The following PRSS53 variants were observed in gnomAD, a reference collection of about 807,000 sequenced individuals.
PRSS53 encodes the protein serine protease 53.
A neutral mutation model predicts 62.7 loss-of-function variants in PRSS53; 54 were observed. The ratio of observed to expected loss-of-function variants is 0.86; its 90% confidence interval spans 0.69 to 1.08. PRSS53 has a LOEUF of 1.08. Among genes scored for constraint, PRSS53 ranks in the 50% least tolerant of loss-of-function variants. The probability of loss-of-function intolerance (pLI) is 0.00; values close to 1 mark genes in which losing one functional copy is unlikely to be tolerated. For missense variants in PRSS53, 688 were observed against 728.3 expected, an observed-to-expected ratio of 0.94 and a Z score of 0.64; for synonymous variants, 273 against 300.0, an observed-to-expected ratio of 0.91 and a Z score of 0.93.
chr16:31,086,667 G>A, exon 4 of PRSS53: 1 of 1,544,416 alleles, frequency 6.5e-7, no homozygotes, highest in Non-Finnish European at 8.7e-7. Context: ...CAGTGGCCCA[G>A]CAGGAGGCTC....
rs774523884 is a variant in PRSS53 at position 31,085,987 on chromosome 16, A to G, written c.860T>C (p.Met287Thr). The G allele has an allele frequency of 3.7e-5, 59 of 1,613,648 alleles. 1 individual carries two copies. The highest frequency in any genetic ancestry group is 1.1e-4 in the South Asian group (10 of 91,070). Reference sequence around the variant, plus strand: ...ACCTACACAGCTGTCCTCATCACTCATCTCCGGGGTCTCTGGGCTCTGGGC... The same window carrying G: ...ACCTACACAGCTGTCCTCATCACTCGTCTCCGGGGTCTCTGGGCTCTGGGC... Residue 287 changes from methionine to threonine, a missense_variant, in exon 6 of 11, where the codon ATG becomes ACG. Met to Thr is a moderately conservative substitution (Grantham distance 81). Coordinates refer to ENST00000280606, the Ensembl canonical transcript of PRSS53.
At chr16:31,084,060 C>T (rs1334770252) in intron 10 of PRSS53, 59 bp downstream of exon 10, 29 of 1,533,452 alleles carry the variant, frequency 1.9e-5, no homozygotes, top group Non-Finnish European at 2.5e-5. Flanking sequence ...CACGTTCTCA[C>T]TGGAGAGAGA....
intron 1 of PRSS53, chr16:31,088,325 C>A (rs2057255684): frequency 1.8e-6 from 2 of 1,118,142 alleles, no homozygotes; most frequent in South Asian, 5.0e-5. Flanking sequence ...TGAGAGCCCG[C>A]CAGAGAGAGG....
At chr16:31,087,035 C>T (rs774644502) in intron 3 of PRSS53, 137 bp from the exon 4 acceptor site, 12 of 917,238 alleles carry the variant, frequency 1.3e-5, no homozygotes, top group African/African-American at 3.4e-5. Flanking sequence ...CTCGTCCTGT[C>T]GCCCAGGCTG....
At chr16:31,084,835 G>T (rs1293472142) in exon 8 of PRSS53, 2 of 1,549,008 alleles carry the variant, frequency 1.3e-6, no homozygotes, top group Admixed American at 3.9e-5. Flanking sequence ...CAGGCAGGTG[G>T]TGGTCAGGAT....
chr16:31,087,376 T>C, intron 3 of PRSS53, 161 bp downstream of exon 3: 1 of 626,154 alleles, frequency 1.6e-6, no homozygotes, highest in Non-Finnish European at 2.8e-6. Flanking sequence ...TGAAAGGTGG[T>C]TGTTACAATT....
intron 1 of PRSS53, chr16:31,088,476 G>C: frequency 7.5e-7 from 1 of 1,324,596 alleles, no homozygotes; most frequent in Middle Eastern, 2.8e-4. Flanking sequence ...GGAAGTCGAG[G>C]GGGAGGCAGG....
intron 1 of PRSS53, chr16:31,088,028 T>G: frequency 6.8e-7 from 1 of 1,463,688 alleles, no homozygotes; most frequent in Non-Finnish European, 9.0e-7. Flanking sequence ...ACTCAGTAAT[T>G]AATTCTCCTT....
At chr16:31,087,903 G>A in intron 1 of PRSS53, 77 bp from the exon 2 acceptor site, 2 of 1,590,302 alleles carry the variant, frequency 1.3e-6, no homozygotes, top group South Asian at 1.1e-5. Context: ...GGATGGGCTG[G>A]GGGGCGGGCC....
chr16:31,088,288 G>C, intron 1 of PRSS53: 1 of 1,128,360 alleles, frequency 8.9e-7, no homozygotes, highest in African/African-American at 1.6e-5. Flanking sequence ...TAGAGACTCA[G>C]TCTTCCCCAC....
rs61736185 is a variant in PRSS53, at chr16:31,086,028, C to T, written c.819G>A (p.Gln273=). The T allele has an allele frequency of 1.2e-4, 188 of 1,614,098 alleles. No individual in the cohort carries two copies. In the African/African-American group the frequency reaches 1.4e-3, roughly 12 times the overall value. Residue 273 remains glutamine, a synonymous_variant, in exon 6 of 11, where the codon CAG becomes CAA. Coordinates refer to ENST00000280606, the Ensembl canonical transcript of PRSS53. ...GGCTCTGGGCCAGGAAAGCTGCCCC[C>T]TGAACTCGAGCCTGCAGCCAGGAAC...
At chr16:31,083,496 A>G (rs2057192673) in exon 11 of PRSS53, 1 of 1,333,482 alleles carries the variant, frequency 7.5e-7, no homozygotes, top group Non-Finnish European at 9.6e-7. Context: ...CCCCAAAAAA[A>G]GAAATTTTCA....
chr16:31,086,596 A>T, intron 4 of PRSS53, 37 bp downstream of exon 4: 1 of 1,544,944 alleles, frequency 6.5e-7, no homozygotes, highest in Non-Finnish European at 8.8e-7. Context: ...GGGCAAGCAG[A>T]GTGCCTCTCC....
chr16:31,085,309 T>C (rs2057221174), intron 6 of PRSS53, 49 bp from the exon 7 acceptor site: 1 of 1,482,162 alleles, frequency 6.7e-7, no homozygotes, highest in Admixed American at 2.6e-5. Context: ...CACTTCCCAC[T>C]TCCCATCAAA....
At position 31,084,542 on chromosome 16, in the gene PRSS53, G is replaced by A. The variant is rs746866586; in HGVS notation, c.1425+16C>T. ...CCAGGGGCCTGTTAGGTAAGGTGTG[G>A]GGGCCTGGGGCTCACCTCACAGCTG... is the stretch of plus-strand genomic sequence containing the variant. On this transcript the variant is annotated intron_variant, in intron 9 of 10. Transcript: ENST00000280606. 2 of 1,597,662 alleles carry A rather than the reference G, an allele frequency of 1.3e-6. No homozygotes were observed. Among genetic ancestry groups the A allele is most frequent in the African/African-American group, 2.7e-5 (2 of 74,562 alleles).
At chr16:31,084,587 T>C in exon 9 of PRSS53, 1 of 1,606,990 alleles carries the variant, frequency 6.2e-7, no homozygotes, top group Non-Finnish European at 8.5e-7. Context: ...CCCACAGCAC[T>C]GGTACACACC....
At chr16:31,085,702 C>T (rs574364140) in intron 6 of PRSS53, among the ~76,000 whole-genome samples, 74 of 152,258 alleles carry the variant, frequency 4.9e-4, no homozygotes, top group Non-Finnish European at 7.9e-4. Flanking sequence ...TGTGCAGGCT[C>T]GCTGGGTCCC....
At chr16:31,088,864 TCTCCCTGGCTCCACCTCTGCTCCAC>T in exon 1 of PRSS53, 1 of 1,606,864 alleles carries the variant, frequency 6.2e-7, no homozygotes, top group Non-Finnish European at 8.5e-7. Flanking sequence ...GCCACCTGGG[TCTCCCTGGCTCCACCTCTGCTCCAC>T]CTCCAGTTGG....
exon 11 of PRSS53, chr16:31,083,583 T>G: frequency 6.9e-7 from 1 of 1,441,822 alleles, no homozygotes; most frequent in Non-Finnish European, 9.2e-7. Flanking sequence ...GGTAGCAGAG[T>G]TGGGTGTGGG....
Sources: allele counts gnomAD v4.1 joint callset (sites outside exome capture counted in the v4.1 genomes callset), GRCh38; gene constraint gnomAD v4.1.1; transcripts MANE v1.5; gene names NCBI Gene and HGNC (gene_info 2026-07-23, HGNC 2026-07-21).